HTT: variants seen among roughly 807,000 people sequenced by gnomAD.
HTT encodes huntington disease protein.
Under a neutral mutation model 362.3 loss-of-function variants are expected in HTT, and 104 were observed. That is an observed-to-expected ratio of 0.29 (90% CI 0.24 to 0.34). The LOEUF (loss-of-function observed/expected upper bound fraction) is 0.34. Ranked by LOEUF, HTT falls within the 10% of genes least tolerant of loss-of-function variation. The pLI is 1.00. For missense variants in HTT, 3,301 were observed against 3,928.6 expected (o/e 0.84, Z 4.27); for synonymous variants, 1,577 against 1,548.7 (o/e 1.02, Z -0.43).
chr4:3,169,369 T>TC (rs775561693), intron 29 of HTT, among the ~76,000 whole-genome samples: 6 of 152,182 alleles, frequency 3.9e-5, no homozygotes, highest in East Asian at 1.9e-4. Context: ...CCTCCTTTTT[T>TC]CCCTCTCTTA....
At chr4:3,160,139 C>T (rs537115992) in intron 28 of HTT, 143 bp from the exon 29 acceptor site, 8 of 574,896 alleles carry the variant, frequency 1.4e-5, no homozygotes, top group South Asian at 7.1e-5. Flanking sequence ...ACAACAAACA[C>T]GCAGACACAC....
Position 3,075,046 on chromosome 4 carries a change from C to T in HTT, c.221C>T (p.Pro74Leu), listed in dbSNP as rs1204540369. 20 of 1,249,524 alleles carry T rather than the reference C, an allele frequency of 1.6e-5. No individual in the cohort carries two copies. The highest frequency in any genetic ancestry group is 1.9e-5 in the Non-Finnish European group (19 of 1,003,702). 77.4% of individuals were successfully genotyped at this position (1,249,524 alleles called of 1,614,324 possible). Residue 74 changes from proline to leucine, a missense_variant, in exon 1 of 67, where the codon CCG becomes CTG. Pro to Leu is a moderately conservative substitution (Grantham distance 98). Coordinates refer to ENST00000355072, the MANE Select transcript of HTT (RefSeq NM_001388492.1). Reference sequence around the variant, plus strand: ...CAGCCGCCCCCGCCGCCGCCCCCGCCGCCACCCGGCCCGGCTGTGGCTGAG... The same window carrying T: ...CAGCCGCCCCCGCCGCCGCCCCCGCTGCCACCCGGCCCGGCTGTGGCTGAG... ...QPQPPPPPPP[P>L]PPGPAVAEEP...
In HTT at chr4:3,228,979, G is replaced by C. The variant is rs752778082; in HGVS notation, c.8079G>C (p.Pro2693=). The change falls in exon 59 of 67, where the codon CCG becomes CCC. Residue 2693 remains proline, a synonymous_variant. Coordinates refer to ENST00000355072, the MANE Select transcript of HTT (RefSeq NM_001388492.1). The surrounding 1 kb of genome is among the most constrained non-coding windows in gnomAD (Gnocchi z 4.3). ...CGTCCAGCTCAGCCAGGAGGACCCC[G>C]GCCATCCTGATCAGTGAGGTGGTCA... ...ILPSSSARRT[P]AILISEVVRS... 1 of 1,613,526 alleles carries C rather than the reference G, an allele frequency of 6.2e-7. No individual in the cohort carries two copies. Among genetic ancestry groups the C allele is most frequent in the Non-Finnish European group, 8.5e-7 (1 of 1,179,760 alleles).
intron 22 of HTT, among the ~76,000 whole-genome samples, chr4:3,141,039 T>C (rs1716322554): frequency 6.6e-6 from 1 of 152,226 alleles, no homozygotes; most frequent in Non-Finnish European, 1.5e-5. Context: ...GCTATTAAAG[T>C]CAGTGTTATT....
chr4:3,169,953 T>G, intron 29 of HTT, among the ~76,000 whole-genome samples: 1 of 152,256 alleles, frequency 6.6e-6, no homozygotes, highest in East Asian at 1.9e-4. Flanking sequence ...TCCCTGTGTT[T>G]CTGTTTAGCT....
In HTT at chr4:3,238,747, G is replaced by A. The variant is rs1340897821; in HGVS notation, c.9055-71G>A. Reference sequence around the variant, plus strand: ...TGCCTCTGGCCCCCACCCCACCCCCGCCACCCAGGCGCAGCAGGTGCTTCC... The same window carrying A: ...TGCCTCTGGCCCCCACCCCACCCCCACCACCCAGGCGCAGCAGGTGCTTCC... On this transcript the variant is annotated intron_variant, in intron 65 of 66. Transcript: ENST00000355072. The A allele has an allele frequency of 8.0e-5, 40 of 497,626 alleles. 1 individual carries two copies. Among genetic ancestry groups the A allele is most frequent in the South Asian group, 1.6e-4 (5 of 31,992 alleles). 30.8% of individuals were successfully genotyped at this position (497,626 alleles called of 1,614,324 possible). A position where few individuals can be genotyped will look rare whatever the true frequency, so the allele number is the denominator to read the frequency against.
In HTT at chr4:3,172,383, G is replaced by A. The variant is rs1229773819; in HGVS notation, c.3928G>A (p.Val1310Ile). Residue 1310 changes from valine (V) to isoleucine (I), a missense_variant, in exon 30 of 67, where the codon GTT becomes ATT. Val to Ile is a conservative substitution (Grantham distance 29). Coordinates refer to ENST00000355072, the MANE Select transcript of HTT (RefSeq NM_001388492.1). Reference protein sequence around the residue: ...CFSREPMMATVCVQQLLKTLF... With the variant: ...CFSREPMMATICVQQLLKTLF... ...TAGTCGAGAACCAATGATGGCAACT[G>A]TTTGTGTTCAACAAGTAAGAGCTTC... 1.2e-6 allele frequency: 2 copies of A among 1,608,480 alleles called. No homozygotes were observed. Among genetic ancestry groups the A allele is most frequent in the South Asian group, 1.1e-5 (1 of 90,958 alleles).
Position 3,175,116 on chromosome 4 carries a change from C to T in HTT, c.4407+9C>T. 1 of 1,606,542 alleles carries T rather than the reference C, an allele frequency of 6.2e-7. No individual in the cohort carries two copies. Among genetic ancestry groups the T allele is most frequent in the South Asian group, 1.1e-5 (1 of 89,432 alleles). On this transcript the variant is annotated intron_variant, in intron 33 of 66. Coordinates refer to ENST00000355072, the MANE Select transcript of HTT (RefSeq NM_001388492.1). ...TTCTGGATTCAGATCAGGTTTGTCA[C>T]TTTTATCTTTCATCCATCATACCTG...
At chr4:3,135,256 G>C (rs1716003556) in intron 19 of HTT, among the ~76,000 whole-genome samples, 1 of 151,802 alleles carries the variant, frequency 6.6e-6, no homozygotes. Flanking sequence ...AACGTGAGCT[G>C]TGGTTGCAGT....
At chr4:3,203,653 G>A (rs1047975795) in intron 41 of HTT, among the ~76,000 whole-genome samples, 8 of 152,160 alleles carry the variant, frequency 5.3e-5, no homozygotes, top group Non-Finnish European at 1.0e-4. Flanking sequence ...CAACTTTCAC[G>A]GCAGATGGAG....
chr4:3,205,041 T>G (rs963066212), intron 42 of HTT, among the ~76,000 whole-genome samples: 5 of 152,184 alleles, frequency 3.3e-5, no homozygotes, highest in African/African-American at 1.2e-4. Flanking sequence ...TTGTCACATT[T>G]TATGATGGAT....
At chr4:3,201,011 C>G (rs866004852) in intron 41 of HTT, among the ~76,000 whole-genome samples, 1 of 152,098 alleles carries the variant, frequency 6.6e-6, no homozygotes, top group Middle Eastern at 3.2e-3. Context: ...GAATTGTGTC[C>G]CCTGAATTGG....
Position 3,182,291 on chromosome 4 carries a change from G to T in HTT, c.4750-63G>T, listed in dbSNP as rs1182461515. The T allele has an allele frequency of 1.2e-5, 12 of 992,752 alleles. No individual in the cohort carries two copies. The East Asian group carries it at 2.6e-4, about 22-fold the overall frequency. The allele number at this position is 992,752 out of a possible 1,614,324, so 61.5% of individuals were successfully genotyped here. A position where few individuals can be genotyped will look rare whatever the true frequency, so the allele number is the denominator to read the frequency against. On this transcript the variant is annotated intron_variant, in intron 36 of 66. Transcript: ENST00000355072. ...TGAACTGGGACAAGTATAACAGACG[G>T]ACACGTAGGGGTGGAAAGGCGTCTC...
chr4:3,096,992 G>A (rs1385196847), intron 2 of HTT, among the ~76,000 whole-genome samples: 2 of 152,128 alleles, frequency 1.3e-5, no homozygotes, highest in Non-Finnish European at 2.9e-5. Context: ...GGTGGCATGT[G>A]CCTGTAGTCC....
Position 3,240,346 on chromosome 4 carries a change from T to TA in HTT, c.*288dup, listed in dbSNP as rs1002854554. Reference sequence around the variant, plus strand: ...TGGGTGACCAGGTCCTTTCTCCTGATAGTCACCTGCTGGTTGTTGCCAGGT... The same window carrying TA: ...TGGGTGACCAGGTCCTTTCTCCTGATAAGTCACCTGCTGGTTGTTGCCAGGT... On this transcript the variant is annotated 3_prime_UTR_variant, in exon 67 of 67. Coordinates refer to ENST00000355072, the MANE Select transcript of HTT (RefSeq NM_001388492.1). The TA allele has an allele frequency of 4.1e-5, 19 of 467,058 alleles. No individual in the cohort carries two copies. The highest frequency in any genetic ancestry group is 3.1e-4 in the African/African-American group (16 of 51,002). 28.9% of individuals were successfully genotyped at this position (467,058 alleles called of 1,614,324 possible). A position where few individuals can be genotyped will look rare whatever the true frequency, so the allele number is the denominator to read the frequency against.
In HTT at chr4:3,177,374, G is replaced by A. The variant is rs1275294695; in HGVS notation, c.4450G>A (p.Val1484Met). ...ATTGAAACAGTTTGAATACATTGAA[G>A]TGGGCCAGTTCAGGTAATAGCATTT... ...FVLKQFEYIEVGQFRESEAII... is the reference protein window; with the variant it reads ...FVLKQFEYIEMGQFRESEAII... Residue 1484 changes from valine to methionine, a missense_variant, in exon 34 of 67, where the codon GTG becomes ATG. This residue lies in a region of HTT where 2,316 missense variants were observed against 2,658.5 expected (regional missense o/e 0.87). Transcript: ENST00000355072. 1 of 1,597,156 alleles carries A rather than the reference G, an allele frequency of 6.3e-7. No individual in the cohort carries two copies. Among genetic ancestry groups the A allele is most frequent in the East Asian group, 2.2e-5 (1 of 44,486 alleles).
intron 29 of HTT, among the ~76,000 whole-genome samples, chr4:3,164,976 G>A (rs569547355): frequency 9.8e-4 from 149 of 152,262 alleles, no homozygotes; most frequent in Middle Eastern, 6.8e-3. Flanking sequence ...GATCCTAGTT[G>A]GTTATTTTGC....
chr4:3,100,464 G>A (rs2110156590), intron 3 of HTT, among the ~76,000 whole-genome samples: 1 of 152,254 alleles, frequency 6.6e-6, no homozygotes, highest in East Asian at 1.9e-4. Context: ...CTGTGGTCAG[G>A]ACGCTGGCTT....
At position 3,130,346 on chromosome 4, in the gene HTT, A is replaced by G; in HGVS notation, c.1909A>G (p.Arg637Gly). The change falls in exon 14 of 67, where the codon AGG (arginine) becomes GGG (glycine). Residue 637 changes from arginine to glycine, a missense_variant. Arg to Gly is a moderately radical substitution (Grantham distance 125). Transcript: ENST00000355072. ...AHLLKNMSHC[R>G]QPSDSSVDKF... The stretch of plus-strand genomic sequence containing the variant: ...TTTATTGAAAAACATGAGTCACTGC[A>G]GGCAGCCTTCTGACAGCAGTGTTGA... 1 of 1,607,542 alleles carries G rather than the reference A, an allele frequency of 6.2e-7. No homozygotes were observed. The highest frequency in any genetic ancestry group is 1.1e-5 in the South Asian group (1 of 90,030).
Sources: gnomAD v4.1 joint callset for allele counts (sites outside exome capture counted in the v4.1 genomes callset) on GRCh38, gnomAD v4.1.1 for gene constraint, gnomAD v4.1.1 regional missense constraint, Gnocchi (gnomAD v3.1) non-coding constraint, MANE v1.5 for transcripts, NCBI Gene and HGNC (gene_info 2026-07-23, HGNC 2026-07-21) for gene names.